Variants in KIF6 observed in about 807,000 individuals in gnomAD.
The protein encoded by KIF6 is kinesin-like protein KIF6.
A neutral mutation model predicts 112.7 loss-of-function variants in KIF6; 106 were observed. The observed-to-expected ratio is 0.94, with a 90% CI of 0.80 to 1.11. KIF6 has a LOEUF of 1.11. KIF6 is among the 50% of genes least tolerant of loss of function. The pLI is 0.00. For synonymous variants in KIF6, 339 were observed against 339.9 expected (o/e 1.00, Z 0.03); for missense variants, 929 against 964.0 (o/e 0.96, Z 0.48).
At chr6:39,671,949 G>C (rs757204750) in intron 3 of KIF6, among the ~76,000 whole-genome samples, 2 of 152,192 alleles carry the variant, frequency 1.3e-5, no homozygotes, top group African/African-American at 2.4e-5. Context: ...GTCTCAGTGA[G>C]TGTCAGTGTG....
intron 7 of KIF6, among the ~76,000 whole-genome samples, chr6:39,588,456 C>T (rs979381398): frequency 3.9e-5 from 6 of 152,110 alleles, no homozygotes; most frequent in Non-Finnish European, 8.8e-5. Context: ...TCCAGTGATC[C>T]ACCCGCCTCG....
chr6:39,510,188 G>T (rs1776689688), intron 13 of KIF6, among the ~76,000 whole-genome samples: 1 of 151,700 alleles, frequency 6.6e-6, no homozygotes, highest in Non-Finnish European at 1.5e-5. Flanking sequence ...CCGCCTTCCG[G>T]GTTCATGCCA....
chr6:39,613,192 T>C lies in KIF6; in HGVS notation c.636A>G (p.Ala212=), dbSNP rs749580580. The change falls in exon 6 of 23, where the codon GCA becomes GCG. Residue 212 remains alanine (A), a synonymous_variant. Coordinates refer to ENST00000287152, the MANE Select transcript of KIF6 (RefSeq NM_145027.6). The part of the protein sequence containing the change: ...LFLGDTNRMI[A]ETPMNQASTR... ...CTTGCAGAGAGAAGTTTATTACCTC[T>C]GCAATCATTCGGTTGGTGTCTCCTA... 3.1e-6 allele frequency: 5 copies of C among 1,592,748 alleles called. No individual in the cohort carries two copies. Among genetic ancestry groups the C allele is most frequent in the South Asian group, 2.3e-5 (2 of 87,142 alleles).
chr6:39,387,785 T>A (rs1169982815), intron 15 of KIF6, among the ~76,000 whole-genome samples: 1 of 152,180 alleles, frequency 6.6e-6, no homozygotes, highest in African/African-American at 2.4e-5. Context: ...CTAGGCTGCA[T>A]CAAACACTGC....
At chr6:39,473,209 A>G (rs1774235278) in intron 13 of KIF6, among the ~76,000 whole-genome samples, 1 of 152,190 alleles carries the variant, frequency 6.6e-6, no homozygotes, top group Non-Finnish European at 1.5e-5. Flanking sequence ...CACATTTTTC[A>G]ATCACTTACT....
intron 10 of KIF6, 124 bp downstream of exon 10, chr6:39,577,932 G>A: frequency 3.3e-6 from 2 of 613,412 alleles, no homozygotes; most frequent in Admixed American, 2.9e-5. Flanking sequence ...GCGCCTAAAT[G>A]CAATTTCAGA....
intron 3 of KIF6, among the ~76,000 whole-genome samples, chr6:39,648,795 C>T (rs547067257): frequency 1.3e-5 from 2 of 152,210 alleles, no homozygotes; most frequent in South Asian, 2.1e-4. Context: ...TGAAGCATGT[C>T]CCCTGGAGGT....
chr6:39,721,147 G>A (rs566067175), intron 1 of KIF6, among the ~76,000 whole-genome samples: 1 of 152,242 alleles, frequency 6.6e-6, no homozygotes, highest in Non-Finnish European at 1.5e-5. Context: ...TATTGCTTTA[G>A]TATTGTGTAT....
chr6:39,574,252 A>G (rs1780805823), intron 10 of KIF6, among the ~76,000 whole-genome samples: 1 of 152,236 alleles, frequency 6.6e-6, no homozygotes, highest in South Asian at 2.1e-4. Flanking sequence ...ATACAATAGT[A>G]AGAATCATAA....
At chr6:39,477,730 G>A (rs549149857) in intron 13 of KIF6, among the ~76,000 whole-genome samples, 8 of 152,130 alleles carry the variant, frequency 5.3e-5, no homozygotes, top group East Asian at 1.9e-4. Context: ...GCGTGGTGGC[G>A]CACTTCTGTA....
At chr6:39,655,332 C>T (rs1180325091) in intron 3 of KIF6, among the ~76,000 whole-genome samples, 1 of 151,990 alleles carries the variant, frequency 6.6e-6, no homozygotes, top group East Asian at 1.9e-4. Flanking sequence ...CTTTCTTATT[C>T]TTTGGGAGGA....
chr6:39,625,874 A>G (rs1030243869), intron 5 of KIF6, among the ~76,000 whole-genome samples: 2 of 152,168 alleles, frequency 1.3e-5, no homozygotes. Flanking sequence ...GTAAGTGAGA[A>G]AAAGGGTGAG....
At chr6:39,708,804 A>G (rs1789363808) in intron 3 of KIF6, among the ~76,000 whole-genome samples, 1 of 151,718 alleles carries the variant, frequency 6.6e-6, no homozygotes, top group African/African-American at 2.4e-5. Flanking sequence ...ATAATGTACT[A>G]TTTTTGCTTG....
intron 10 of KIF6, among the ~76,000 whole-genome samples, chr6:39,570,941 C>T (rs1780608248): frequency 6.6e-6 from 1 of 152,104 alleles, no homozygotes; most frequent in Non-Finnish European, 1.5e-5. Context: ...TATTACATAC[C>T]TCAGGTTAGA....
intron 14 of KIF6, among the ~76,000 whole-genome samples, chr6:39,428,070 A>T (rs1450024095): frequency 6.6e-6 from 1 of 152,052 alleles, no homozygotes; most frequent in African/African-American, 2.4e-5. Flanking sequence ...TACCTTAGGG[A>T]TTCTGGATCT....
chr6:39,649,979 T>A (rs775812834), intron 3 of KIF6, among the ~76,000 whole-genome samples: 3 of 152,112 alleles, frequency 2.0e-5, no homozygotes, highest in Non-Finnish European at 2.9e-5. Context: ...CTTGGATATC[T>A]CACAAAACAG....
At chr6:39,587,879 C>G (rs1298629803) in intron 7 of KIF6, among the ~76,000 whole-genome samples, 1 of 152,160 alleles carries the variant, frequency 6.6e-6, no homozygotes, top group African/African-American at 2.4e-5. Context: ...CACTACAGTC[C>G]TAAACTAAGA....
intron 3 of KIF6, among the ~76,000 whole-genome samples, chr6:39,685,233 C>A (rs1787786346): frequency 1.3e-5 from 2 of 152,152 alleles, no homozygotes; most frequent in Non-Finnish European, 2.9e-5. Flanking sequence ...ACTGCAAGTG[C>A]AATATACTTG....
chr6:39,528,818 A>G (rs1777885605), intron 13 of KIF6, among the ~76,000 whole-genome samples: 1 of 152,258 alleles, frequency 6.6e-6, no homozygotes, highest in Non-Finnish European at 1.5e-5. Context: ...TATAGATTCA[A>G]TGTATTCCCT....
Sources: allele counts gnomAD v4.1 joint callset (sites outside exome capture counted in the v4.1 genomes callset), GRCh38; gene constraint gnomAD v4.1.1; transcripts MANE v1.5; gene names NCBI Gene and HGNC (gene_info 2026-07-23, HGNC 2026-07-21).